GNPTAB: variants seen among roughly 807,000 people sequenced by gnomAD.
GNPTAB encodes N-acetylglucosamine-1-phosphotransferase subunits alpha/beta.
In GNPTAB, 92 loss-of-function variants were observed where a neutral mutation model predicts 136.6. That is an observed-to-expected ratio of 0.67 (90% confidence interval 0.57 to 0.80). GNPTAB has a LOEUF of 0.80. Ranked by LOEUF, GNPTAB falls within the 30% of genes least tolerant of loss-of-function variation. The pLI, the probability that GNPTAB is intolerant of heterozygous loss-of-function variation, is 0.00. For missense variants in GNPTAB, 1,343 were observed against 1,501.8 expected (o/e 0.89, Z 1.75); for synonymous variants, 512 against 535.1 (o/e 0.96, Z 0.60).
At chr12:101,811,438 G>A (rs537026391) in intron 1 of GNPTAB, among the ~76,000 whole-genome samples, 93 of 142,802 alleles carry the variant, frequency 6.5e-4, no homozygotes, top group Non-Finnish European at 1.3e-3. Flanking sequence ...TTCTCGCATT[G>A]CTATAAAGAA....
intron 1 of GNPTAB, among the ~76,000 whole-genome samples, chr12:101,801,231 C>CAA (rs35036983): frequency 0.023 from 291 of 12,748 alleles, 105 homozygotes; most frequent in East Asian, 0.082. Context: ...GACCCTGTCT[C>CAA]AAAAAAAAAA....
At chr12:101,822,319 A>G (rs1263344546) in intron 1 of GNPTAB, among the ~76,000 whole-genome samples, 1 of 152,202 alleles carries the variant, frequency 6.6e-6, no homozygotes, top group Non-Finnish European at 1.5e-5. Context: ...AGGCTGAGGC[A>G]GGAGAATGGC....
At chr12:101,788,681 A>G (rs955375284) in intron 3 of GNPTAB, 92 bp from the exon 4 acceptor site, 15 of 745,918 alleles carry the variant, frequency 2.0e-5, no homozygotes, top group Admixed American at 4.0e-5. Context: ...ATAAACTTTC[A>G]TATTTTATTA....
chr12:101,829,409 T>C (rs1339928749), intron 1 of GNPTAB, among the ~76,000 whole-genome samples: 2 of 152,046 alleles, frequency 1.3e-5, no homozygotes, highest in Non-Finnish European at 2.9e-5. Context: ...TTCTTGAACC[T>C]GAGAGGTAGA....
chr12:101,821,057 C>CAAAAAAAAAA (rs57630700), intron 1 of GNPTAB, among the ~76,000 whole-genome samples: 1 of 28,686 alleles, frequency 3.5e-5, no homozygotes. Context: ...GACTCCGTCT[C>CAAAAAAAAAA]AAAAAAAAAA....
intron 11 of GNPTAB, among the ~76,000 whole-genome samples, chr12:101,767,179 T>C (rs1387988278): frequency 6.6e-6 from 1 of 152,216 alleles, no homozygotes. Flanking sequence ...ATGATAACAT[T>C]TGTGTACATA....
At chr12:101,811,385 T>A (rs1021014731) in intron 1 of GNPTAB, among the ~76,000 whole-genome samples, 1 of 23,704 alleles carries the variant, frequency 4.2e-5, no homozygotes, top group African/African-American at 7.3e-4. Context: ...AATTTTTTCT[T>A]TTTTTTTTTT....
At chr12:101,760,434 G>C (rs1566071003) in intron 15 of GNPTAB, among the ~76,000 whole-genome samples, 1 of 152,120 alleles carries the variant, frequency 6.6e-6, no homozygotes, top group Non-Finnish European at 1.5e-5. Flanking sequence ...ATTCATCTGG[G>C]CACCTCCATT....
intron 4 of GNPTAB, 90 bp from the exon 5 acceptor site, chr12:101,786,307 T>A (rs1039611928): frequency 5.3e-5 from 52 of 976,002 alleles, no homozygotes; most frequent in Admixed American, 4.5e-4. Context: ...TTTTCAGATT[T>A]TTTTATAGCC....
chr12:101,830,087 C>T (rs559597333), intron 1 of GNPTAB, among the ~76,000 whole-genome samples: 87 of 152,148 alleles, frequency 5.7e-4, no homozygotes, highest in African/African-American at 1.9e-3. Flanking sequence ...GCTTTCCTCC[C>T]CGTTGCTAAA....
chr12:101,822,316 G>C (rs1870850426), intron 1 of GNPTAB, among the ~76,000 whole-genome samples: 1 of 152,194 alleles, frequency 6.6e-6, no homozygotes, highest in Non-Finnish European at 1.5e-5. Context: ...GGGAGGCTGA[G>C]GCAGGAGAAT....
intron 19 of GNPTAB, among the ~76,000 whole-genome samples, chr12:101,752,006 G>A: frequency 7.6e-6 from 1 of 130,980 alleles, no homozygotes. Flanking sequence ...CAAGTACCAT[G>A]TTACAGTTAA....
At chr12:101,751,661 A>G (rs1422867044) in intron 19 of GNPTAB, among the ~76,000 whole-genome samples, 1 of 152,192 alleles carries the variant, frequency 6.6e-6, no homozygotes, top group Non-Finnish European at 1.5e-5. Context: ...AAGTTACTCA[A>G]CTCACATTAC....
At chr12:101,784,598 G>A (rs1868526868) in intron 5 of GNPTAB, among the ~76,000 whole-genome samples, 1 of 151,956 alleles carries the variant, frequency 6.6e-6, no homozygotes, top group African/African-American at 2.4e-5. Flanking sequence ...GACAGAGCAG[G>A]AGTCCGATTA....
intron 1 of GNPTAB, among the ~76,000 whole-genome samples, chr12:101,797,836 G>C (rs1284456970): frequency 1.3e-5 from 2 of 152,214 alleles, no homozygotes; most frequent in East Asian, 3.9e-4. Context: ...TACCACAGAG[G>C]AAGTGTCCCC....
chr12:101,776,292 T>C (rs1307195364), intron 7 of GNPTAB, among the ~76,000 whole-genome samples: 1 of 152,178 alleles, frequency 6.6e-6, no homozygotes, highest in Non-Finnish European at 1.5e-5. Context: ...GGATACAAAA[T>C]GATTTAGAGG....
At chr12:101,763,603 TAC>T (rs1454029518) in intron 13 of GNPTAB, among the ~76,000 whole-genome samples, 3 of 152,212 alleles carry the variant, frequency 2.0e-5, no homozygotes, top group African/African-American at 4.8e-5. Flanking sequence ...ATCTCTTTGC[TAC>T]AGTTTTCTCC....
At chr12:101,775,267 C>A (rs556291058) in intron 7 of GNPTAB, among the ~76,000 whole-genome samples, 4 of 152,216 alleles carry the variant, frequency 2.6e-5, no homozygotes, top group South Asian at 2.1e-4. Context: ...CATTAAAAAT[C>A]TGTTAGGAAA....
chr12:101,821,798 T>C (rs1870816330), intron 1 of GNPTAB, among the ~76,000 whole-genome samples: 1 of 152,120 alleles, frequency 6.6e-6, no homozygotes, highest in African/African-American at 2.4e-5. Context: ...AAATATAAAG[T>C]GCTGGCTGGC....
Sources: gnomAD v4.1 joint callset for allele counts (sites outside exome capture counted in the v4.1 genomes callset) on GRCh38, gnomAD v4.1.1 for gene constraint, MANE v1.5 for transcripts, NCBI Gene and HGNC (gene_info 2026-07-23, HGNC 2026-07-21) for gene names.